RMDN3: variants seen among roughly 807,000 people sequenced by gnomAD.
RMDN3 encodes the protein regulator of microtubule dynamics protein 3.
RMDN3 carries 41 observed loss-of-function variants against 61.8 expected under a neutral mutation model. The ratio of observed to expected loss-of-function variants is 0.66; its 90% CI spans 0.52 to 0.86. The LOEUF (loss-of-function observed/expected upper bound fraction) is 0.86, where lower values mean the gene tolerates loss of function less well. Ranked by LOEUF, RMDN3 falls within the 40% of genes least tolerant of loss-of-function variation. The pLI, the probability that RMDN3 is intolerant of heterozygous loss-of-function variation, is 0.00. For missense variants in RMDN3, 557 were observed against 585.3 expected (o/e 0.95, Z 0.50); for synonymous variants, 247 against 232.0 (o/e 1.06, Z -0.59).
At chr15:40,749,282 T>C (rs1897710693) in intron 4 of RMDN3, among the ~76,000 whole-genome samples, 1 of 152,176 alleles carries the variant, frequency 6.6e-6, no homozygotes, top group South Asian at 2.1e-4. Context: ...TGGAGGCTGA[T>C]GTGGGAGAAC....
At chr15:40,737,039 G>T in intron 12 of RMDN3, 85 bp downstream of exon 12, 1 of 1,073,954 alleles carries the variant, frequency 9.3e-7, no homozygotes, top group Non-Finnish European at 1.4e-6. Context: ...TTTTAGTAGA[G>T]ATGGGGTTTC....
chr15:40,748,605 T>A (rs1162494855), intron 4 of RMDN3, among the ~76,000 whole-genome samples: 2 of 152,070 alleles, frequency 1.3e-5, no homozygotes, highest in African/African-American at 4.8e-5. Context: ...AGTTTGTACT[T>A]CTTTATTTTT....
intron 3 of RMDN3, 52 bp downstream of exon 3, chr15:40,751,934 C>CT (rs1449237990): frequency 5.1e-6 from 8 of 1,573,416 alleles, no homozygotes; most frequent in Non-Finnish European, 6.9e-6. Flanking sequence ...CACACCCCAG[C>CT]TGAAAAGCTG....
At chr15:40,743,989 G>C (rs1897384811) in intron 6 of RMDN3, 58 bp downstream of exon 6, 9 of 1,472,692 alleles carry the variant, frequency 6.1e-6, no homozygotes, top group Non-Finnish European at 7.4e-6. Context: ...AGGCAGATGG[G>C]CCAGCCCCAC....
Position 40,736,486 on chromosome 15 carries a change from C to T in RMDN3, c.*55G>A, listed in dbSNP as rs928270968. ...AGCAAGGTCTAAGGAAAAAAGCCTC[C>T]CCGCCCCCCCACCTTAAATAGTGGC... On this transcript the variant is annotated 3_prime_UTR_variant, in exon 13 of 13. Coordinates refer to ENST00000338376, the MANE Select transcript of RMDN3 (RefSeq NM_018145.3). The T allele has an allele frequency of 6.0e-5, 94 of 1,555,640 alleles. 1 individual carries two copies. The highest frequency in any genetic ancestry group is 5.1e-4 in the Middle Eastern group (3 of 5,900).
Position 40,744,054 on chromosome 15 carries a change from G to C in RMDN3, c.903C>G (p.Ala301=). Residue 301 remains alanine (A), a synonymous_variant, in exon 6 of 13, where the codon GCC becomes GCG. Transcript: ENST00000338376. Reference sequence around the variant, plus strand: ...GAAGCTGTCAGCACTTACCATCTAGGGCATATGACTTCTTCTCGCTCACCT... The same window carrying C: ...GAAGCTGTCAGCACTTACCATCTAGCGCATATGACTTCTTCTCGCTCACCT... ...TEEVSEKKSY[A]LDGKEEAEAA... is the part of the protein sequence containing the mutation. The C allele has an allele frequency of 6.2e-7, 1 of 1,612,420 alleles. No individual in the cohort carries two copies. The highest frequency in any genetic ancestry group is 1.1e-5 in the South Asian group (1 of 90,998).
chr15:40,746,297 G>T (rs540554633), intron 4 of RMDN3, among the ~76,000 whole-genome samples: 12 of 152,108 alleles, frequency 7.9e-5, no homozygotes, highest in Admixed American at 7.9e-4. Flanking sequence ...GGGCGGATCA[G>T]GAGGTCAGGA....
chr15:40,741,027 C>T (rs527868760), intron 6 of RMDN3, among the ~76,000 whole-genome samples: 194 of 151,416 alleles, frequency 1.3e-3, no homozygotes, highest in African/African-American at 4.6e-3. Context: ...GAAGTTGCAA[C>T]GAGCCAAGAT....
At position 40,751,487 on chromosome 15, in the gene RMDN3, T is replaced by A; in HGVS notation, c.463A>T (p.Ser155Cys). 1.2e-6 allele frequency: 2 copies of A among 1,614,182 alleles called. No homozygotes were observed. The highest frequency in any genetic ancestry group is 4.5e-5 in the East Asian group (2 of 44,888). The change falls in exon 4 of 13, where the codon AGC becomes TGC. Residue 155 changes from serine to cysteine, a missense_variant. Transcript: ENST00000338376. ...VRERSDSTGS[S>C]SVYFTASSGA... The stretch of plus-strand genomic sequence containing the variant: ...GAGGAGGCCGTGAAGTAGACAGAGC[T>A]GGAGCCAGTGGAGTCACTCCTCTCC...
intron 4 of RMDN3, among the ~76,000 whole-genome samples, chr15:40,750,289 G>A (rs1234325196): frequency 2.1e-5 from 3 of 144,608 alleles, no homozygotes; most frequent in African/African-American, 5.1e-5. Context: ...GCGCAATCTC[G>A]GCTCACTGAA....
intron 4 of RMDN3, among the ~76,000 whole-genome samples, chr15:40,746,158 T>C (rs568857758): frequency 1.1e-4 from 16 of 152,150 alleles, no homozygotes; most frequent in Non-Finnish European, 1.6e-4. Context: ...TTAGGGTGTT[T>C]TCCCTAAATG....
chr15:40,741,620 A>ATTTTTTTTTTTTTTT (rs553262858), intron 6 of RMDN3, among the ~76,000 whole-genome samples: 844 of 71,704 alleles, frequency 0.012, 193 homozygotes, highest in East Asian at 0.018. Flanking sequence ...GCAACATAGG[A>ATTTTTTTTTTTTTTT]TTTTTTTTTT....
intron 12 of RMDN3, 140 bp from the exon 13 acceptor site, chr15:40,736,734 G>GGGA: frequency 1.4e-6 from 1 of 709,440 alleles, no homozygotes; most frequent in Non-Finnish European, 2.4e-6. Flanking sequence ...GGATAGCCTG[G>GGGA]AGCCTATTAA....
chr15:40,746,262 T>A (rs973235408), intron 4 of RMDN3, among the ~76,000 whole-genome samples: 2 of 152,104 alleles, frequency 1.3e-5, no homozygotes, highest in Non-Finnish European at 2.9e-5. Context: ...ACGCCTGTAA[T>A]CCCAGCACTT....
chr15:40,741,743 G>A (rs193047194), intron 6 of RMDN3, among the ~76,000 whole-genome samples: 3 of 147,476 alleles, frequency 2.0e-5, no homozygotes, highest in Admixed American at 1.4e-4. Flanking sequence ...ATTCTCCTGC[G>A]TCAGCCTCCC....
intron 6 of RMDN3, among the ~76,000 whole-genome samples, chr15:40,741,028 G>A (rs540357215): frequency 1.9e-4 from 29 of 152,022 alleles, no homozygotes; most frequent in Admixed American, 7.9e-4. Context: ...AAGTTGCAAC[G>A]AGCCAAGATT....
intron 2 of RMDN3, among the ~76,000 whole-genome samples, chr15:40,754,061 TAAAC>T (rs1191092130): frequency 6.6e-6 from 1 of 151,852 alleles, no homozygotes; most frequent in Non-Finnish European, 1.5e-5. Flanking sequence ...AAGTGAAAGT[TAAAC>T]AGTCTTTTTG....
chr15:40,742,171 G>GTTTTGTTTTTTTTT (rs1161333834), intron 6 of RMDN3, among the ~76,000 whole-genome samples: 1 of 134,966 alleles, frequency 7.4e-6, no homozygotes, highest in African/African-American at 2.8e-5. Flanking sequence ...AATTTTTTAA[G>GTTTTGTTTTTTTTT]TTTTTTTTTT....
intron 2 of RMDN3, among the ~76,000 whole-genome samples, chr15:40,752,911 A>T (rs1459496495): frequency 1.3e-5 from 2 of 152,210 alleles, no homozygotes; most frequent in African/African-American, 4.8e-5. Context: ...ATCCCTTCTT[A>T]AAGGAAATCT....
Sources: gnomAD v4.1 joint callset for allele counts (sites outside exome capture counted in the v4.1 genomes callset) on GRCh38, gnomAD v4.1.1 for gene constraint, MANE v1.5 for transcripts, NCBI Gene and HGNC (gene_info 2026-07-23, HGNC 2026-07-21) for gene names.